Variants in DNAH5 observed in about 807,000 individuals in gnomAD.
DNAH5 encodes axonemal beta dynein heavy chain 5.
A neutral mutation model predicts 518.2 loss-of-function variants in DNAH5; 372 were observed. That is an observed-to-expected ratio of 0.72 (90% CI 0.66 to 0.78). The LOEUF (loss-of-function observed/expected upper bound fraction) is 0.78. DNAH5 is among the 30% of genes least tolerant of loss of function. The pLI, the probability that DNAH5 is intolerant of heterozygous loss-of-function variation, is 0.00. For synonymous variants in DNAH5, 2,039 were observed against 2,025.9 expected (o/e 1.01, Z -0.17); for missense variants, 5,523 against 5,687.0 (o/e 0.97, Z 0.93).
rs1760756100 is a variant in DNAH5 at position 13,811,790 on chromosome 5, C to T, written c.7264G>A (p.Glu2422Lys). 4 of 1,614,164 alleles carry T rather than the reference C, an allele frequency of 2.5e-6. No individual in the cohort carries two copies. The highest frequency in any genetic ancestry group is 3.4e-6 in the Non-Finnish European group (4 of 1,180,026). The change falls in exon 44 of 79, where the codon GAA becomes AAA. Residue 2422 changes from glutamate to lysine, a missense_variant. Glu to Lys is a moderately conservative substitution (Grantham distance 56, BLOSUM62 1). Around this residue, in one of 3 missense-constraint regions of DNAH5, gnomAD observed 5,121 missense variants for 5,223.3 expected, o/e 0.98. Coordinates refer to ENST00000265104, the MANE Select transcript of DNAH5 (RefSeq NM_001369.3). Reference protein sequence around the residue: ...FLKKRSPQEAEILRQLYTESF... With the variant: ...FLKKRSPQEAKILRQLYTESF... Reference sequence around the variant, plus strand: ...TCGGTGTACAGCTGACGAAGAATTTCTGCTTCTTGAGGTGAGCGTTTCTTA... The same window carrying T: ...TCGGTGTACAGCTGACGAAGAATTTTTGCTTCTTGAGGTGAGCGTTTCTTA...
intron 47 of DNAH5, among the ~76,000 whole-genome samples, chr5:13,799,517 A>G (rs899197677): frequency 3.3e-5 from 5 of 152,224 alleles, no homozygotes; most frequent in Admixed American, 6.5e-5. Flanking sequence ...TATACATGTC[A>G]TAAAAGAGTT....
At chr5:13,869,805 A>AGTTT (rs113750616) in intron 24 of DNAH5, among the ~76,000 whole-genome samples, 3,980 of 151,856 alleles carry the variant, frequency 0.026, 177 homozygotes, top group African/African-American at 0.09. Context: ...GGGAAAAAAG[A>AGTTT]GTTTGTTTGT....
In DNAH5 at chr5:13,706,931, T is replaced by C. The variant is rs1048715883; in HGVS notation, c.13338+1192A>G. Among the ~76,000 whole-genome samples the C allele has an allele frequency of 3.3e-5, 5 of 152,206 alleles. No homozygotes were observed. In the South Asian group the frequency reaches 1.0e-3, roughly 31 times the overall value. On this transcript the variant is annotated intron_variant, in intron 76 of 78. Coordinates refer to ENST00000265104, the MANE Select transcript of DNAH5 (RefSeq NM_001369.3). ...CCTGGCGAAGGCTCCACCCTCAGGC[T>C]TATGCCCAAAGACCTACCTAAGTGA...
intron 1 of DNAH5, among the ~76,000 whole-genome samples, chr5:13,977,949 G>C (rs1782389441): frequency 6.6e-6 from 1 of 152,204 alleles, no homozygotes; most frequent in South Asian, 2.1e-4. Context: ...AAACATTCCA[G>C]GCCCTAAACC....
rs1170897915 is a variant in DNAH5 at position 13,902,096 on chromosome 5, G to C, written c.1687C>G (p.Gln563Glu). 1.9e-6 allele frequency: 3 copies of C among 1,609,296 alleles called. No homozygotes were observed. The highest frequency in any genetic ancestry group is 1.7e-5 in the Admixed American group (1 of 59,730). ...ATTCTTAGAGCTTGATTTGTGTTTT[G>C]AATCTTTGCAAATGTAACATCCATG... Reference protein sequence around the residue: ...KFMDVTFAKIQNTNQALRMLK... With the variant: ...KFMDVTFAKIENTNQALRMLK... The change falls in exon 13 of 79, where the codon CAA becomes GAA. Residue 563 changes from glutamine to glutamate, a missense_variant. This residue lies in a region of DNAH5 where 5,121 missense variants were observed against 5,223.3 expected (regional missense o/e 0.98). Transcript: ENST00000265104.
intron 1 of DNAH5, among the ~76,000 whole-genome samples, chr5:13,940,799 C>T (rs956721183): frequency 1.3e-5 from 2 of 152,152 alleles, no homozygotes; most frequent in Non-Finnish European, 1.5e-5. Flanking sequence ...CTAACTTCTC[C>T]TTTTCTCCTT....
chr5:13,785,365 G>A (rs775327736), intron 52 of DNAH5, among the ~76,000 whole-genome samples: 12 of 152,114 alleles, frequency 7.9e-5, no homozygotes, highest in Non-Finnish European at 1.6e-4. Flanking sequence ...ATACTGGTCT[G>A]CGGCCCCGGG....
chr5:13,903,825 C>T (rs1333358936), intron 12 of DNAH5, among the ~76,000 whole-genome samples: 1 of 151,916 alleles, frequency 6.6e-6, no homozygotes, highest in East Asian at 1.9e-4. Context: ...ATGAGTTTAC[C>T]ATTAACAGAC....
chr5:13,852,521 C>T (rs1271970981), intron 30 of DNAH5, among the ~76,000 whole-genome samples: 1 of 152,106 alleles, frequency 6.6e-6, no homozygotes, highest in East Asian at 1.9e-4. Context: ...TGAGGCAGAA[C>T]CATTCACTCC....
chr5:13,780,513 T>C (rs1024258974), intron 53 of DNAH5, among the ~76,000 whole-genome samples: 4 of 152,232 alleles, frequency 2.6e-5, no homozygotes, highest in African/African-American at 9.6e-5. Flanking sequence ...CCTTGAAATC[T>C]GAATTAACAC....
chr5:13,847,723 CAA>C (rs754243517), intron 31 of DNAH5, among the ~76,000 whole-genome samples: 12 of 92,100 alleles, frequency 1.3e-4, no homozygotes, highest in Admixed American at 1.2e-4. Flanking sequence ...GACCTCATCT[CAA>C]AAAAAAAAAA....
intron 35 of DNAH5, among the ~76,000 whole-genome samples, chr5:13,833,441 C>CAAA (rs1763958213): frequency 4.5e-5 from 3 of 66,154 alleles, no homozygotes; most frequent in Non-Finnish European, 3.0e-5. Flanking sequence ...AGACTCCTTC[C>CAAA]CAAAAAAAAA....
intron 70 of DNAH5, among the ~76,000 whole-genome samples, chr5:13,724,561 T>C (rs1398104661): frequency 2.6e-5 from 4 of 152,088 alleles, no homozygotes; most frequent in Non-Finnish European, 4.4e-5. Flanking sequence ...GGACATGGGA[T>C]TTGAGGGGCC....
intron 60 of DNAH5, among the ~76,000 whole-genome samples, chr5:13,759,546 C>G (rs4351149): frequency 0.66 from 101,173 of 152,160 alleles, 33,945 homozygotes; most frequent in African/African-American, 0.75. Context: ...TAAATATCTA[C>G]GTTTTGTGTA....
At chr5:13,845,040 G>A (rs757721625) in intron 31 of DNAH5, 47 bp from the exon 32 acceptor site, 1 of 1,587,428 alleles carries the variant, frequency 6.3e-7, no homozygotes, top group Non-Finnish European at 8.6e-7. Flanking sequence ...CACAAAGCTG[G>A]TCGTTCAAGG....
chr5:13,802,821 C>T (rs548373281), intron 47 of DNAH5, among the ~76,000 whole-genome samples: 1 of 152,290 alleles, frequency 6.6e-6, no homozygotes, highest in East Asian at 1.9e-4. Context: ...TAAACTACTG[C>T]TTCTCACATT....
At chr5:13,885,290 C>T (rs1430476094) in intron 18 of DNAH5, 62 bp from the exon 19 acceptor site, 3 of 1,573,014 alleles carry the variant, frequency 1.9e-6, no homozygotes, top group South Asian at 1.1e-5. Context: ...GATAGATAGA[C>T]AGATAGATAG....
At chr5:13,902,284 A>G in intron 12 of DNAH5, 146 bp from the exon 13 acceptor site, 1 of 658,476 alleles carries the variant, frequency 1.5e-6, no homozygotes, top group Non-Finnish European at 2.6e-6. Flanking sequence ...AAAGAAAAAT[A>G]AATGCCCAGA....
chr5:13,993,035 G>T (rs576062169), intron 1 of DNAH5, among the ~76,000 whole-genome samples: 2 of 152,114 alleles, frequency 1.3e-5, no homozygotes, highest in Non-Finnish European at 2.9e-5. Flanking sequence ...CATATTCTGC[G>T]GCTATTAGAC....
Sources: gnomAD v4.1 joint callset for allele counts (sites outside exome capture counted in the v4.1 genomes callset) on GRCh38, gnomAD v4.1.1 for gene constraint, gnomAD v4.1.1 regional missense constraint, MANE v1.5 for transcripts, NCBI Gene and HGNC (gene_info 2026-07-23, HGNC 2026-07-21) for gene names.